The following UGT1A5 variants were observed in gnomAD, a reference collection of about 807,000 sequenced individuals.
UGT1A5 encodes UDP glucuronosyltransferase family 1 member A5, also known as UDP-glucuronosyltransferase 1A5.
Under a neutral mutation model 40.3 loss-of-function variants are expected in UGT1A5, and 29 were observed. The ratio of observed to expected loss-of-function variants is 0.72; its 90% CI spans 0.54 to 0.98. The LOEUF is 0.98. UGT1A5 is among the 50% of genes least tolerant of loss of function. UGT1A5 has a pLI of 0.00. For synonymous variants in UGT1A5, 257 were observed against 262.5 expected, an observed-to-expected ratio of 0.98 and a Z score of 0.20; for missense variants, 678 against 677.9, an observed-to-expected ratio of 1.00 and a Z score of 0.00.
Position 233,760,956 on chromosome 2 carries a change from C to T in UGT1A5, c.868-6078C>T, listed in dbSNP as rs770299996. The T allele has an allele frequency of 1.7e-5, 27 of 1,614,098 alleles. No individual in the cohort carries two copies. Among genetic ancestry groups the T allele is most frequent in the African/African-American group, 2.7e-5 (2 of 74,934 alleles). ...TTGCCTTTTCACAGAACTTTCTGTG[C>T]GACGTGGTTTATTCCCCGTATGCAA... On this transcript the variant is annotated intron_variant, in intron 1 of 4. Coordinates refer to ENST00000373414, the MANE Select transcript of UGT1A5 (RefSeq NM_019078.2).
At position 233,747,396 on chromosome 2, in the gene UGT1A5, A is replaced by G. The variant is rs537889953; in HGVS notation, c.868-19638A>G. 2.9e-5 allele frequency: 46 copies of G among 1,606,394 alleles called. 2 individuals carry two copies. In the African/African-American group the frequency reaches 5.6e-4, roughly 20 times the overall value. On this transcript the variant is annotated intron_variant, in intron 1 of 4. Coordinates refer to ENST00000373414, the MANE Select transcript of UGT1A5 (RefSeq NM_019078.2). ...CAGAGGCCACCAGGCGGTGGTCCTCACCCCAGAGGTGAATATGCACATCAA... is the reference window on the plus strand; with the variant it reads ...CAGAGGCCACCAGGCGGTGGTCCTCGCCCCAGAGGTGAATATGCACATCAA...
chr2:233,732,755 GTT>G (rs956485327), intron 1 of UGT1A5, among the ~76,000 whole-genome samples: 5 of 120,192 alleles, frequency 4.2e-5, no homozygotes, highest in Non-Finnish European at 9.1e-5. Context: ...CACCAGCTTT[GTT>G]TTTTTTTTTT....
intron 1 of UGT1A5, chr2:233,718,125 G>A (rs1421445167): frequency 3.5e-6 from 1 of 286,392 alleles, no homozygotes; most frequent in Non-Finnish European, 7.0e-6. Context: ...ATTCCATGGT[G>A]TAGATGGAGA....
At position 233,713,670 on chromosome 2, in the gene UGT1A5, G is replaced by GT; in HGVS notation, c.682dup (p.Ser228PhefsTer10). The GT allele has an allele frequency of 6.2e-7, 1 of 1,613,956 alleles. No homozygotes were observed. The highest frequency in any genetic ancestry group is 8.5e-7 in the Non-Finnish European group (1 of 1,179,878). On this transcript the variant is annotated frameshift_variant, in exon 1 of 5. Transcript: ENST00000373414. LOFTEE classifies it high-confidence loss of function. ...GGCCCTGTCCTACCTTTGCCATGCT[G>GT]TTTCTGCTCCTTATGCAAGCCTTGC... is the stretch of plus-strand genomic sequence containing the variant.
At position 233,754,261 on chromosome 2, in the gene UGT1A5, G is replaced by T. The variant is rs28900390; in HGVS notation, c.868-12773G>T. 8.6e-3 allele frequency: 1,501 copies of T among 174,210 alleles called. 34 individuals carry two copies. The highest frequency in any genetic ancestry group is 0.033 in the African/African-American group (1,401 of 41,884). The allele number at this position is 174,210 out of a possible 1,614,324, so 10.8% of individuals were successfully genotyped here. A position where few individuals can be genotyped will look rare whatever the true frequency, so the allele number is the denominator to read the frequency against. The stretch of plus-strand genomic sequence containing the variant: ...ACACTTTCCCAACGGAAAAAGGTAA[G>T]GCTCAAAGTGCTGAGATGAACATTC... On this transcript the variant is annotated intron_variant, in intron 1 of 4. Coordinates refer to ENST00000373414, the MANE Select transcript of UGT1A5 (RefSeq NM_019078.2).
rs375883067 is a variant in UGT1A5 at position 233,767,172 on chromosome 2, A to C, written c.999+7A>C. ...GGGCAAAATCCCTCAGACAGTAAGA[A>C]GATTCTATACCATGGCCTCATATCT... On this transcript the variant is annotated splice_region_variant and intron_variant, in intron 2 of 4. Coordinates refer to ENST00000373414, the MANE Select transcript of UGT1A5 (RefSeq NM_019078.2). 4 of 1,613,980 alleles carry C rather than the reference A, an allele frequency of 2.5e-6. No individual in the cohort carries two copies. In the African/African-American group the frequency reaches 5.3e-5, roughly 22 times the overall value.
intron 1 of UGT1A5, chr2:233,729,152 T>G: frequency 1.2e-6 from 2 of 1,613,556 alleles, no homozygotes. Context: ...CAGGTTCCCC[T>G]GCCGTGGCTG....
At chr2:233,760,958 A>T (rs976503144) in intron 1 of UGT1A5, 1 of 1,614,176 alleles carries the variant, frequency 6.2e-7, no homozygotes, top group African/African-American at 1.3e-5. Flanking sequence ...TTTCTGTGCG[A>T]CGTGGTTTAT....
Position 233,769,464 on chromosome 2 carries a change from C to T in UGT1A5, c.1307+1025C>T, listed in dbSNP as rs557481865. The T allele has an allele frequency of 3.3e-5, 50 of 1,503,294 alleles. No individual in the cohort carries two copies. The highest frequency in any genetic ancestry group is 4.1e-5 in the African/African-American group (3 of 72,468). 93.1% of individuals were successfully genotyped at this position (1,503,294 alleles called of 1,614,324 possible). A position where few individuals can be genotyped will look rare whatever the true frequency, so the allele number is the denominator to read the frequency against. ...GGGTGCACACGTGTGCATTCATATG[C>T]GTGTGTGTGTGTGTGCGTGTGTTTA... On this transcript the variant is annotated intron_variant, in intron 4 of 4. Coordinates refer to ENST00000373414, the MANE Select transcript of UGT1A5 (RefSeq NM_019078.2). This position sits in a 1 kb window ranked among gnomAD's most constrained non-coding sequence, Gnocchi z 4.4.
chr2:233,759,854 G>T (rs1017536593), intron 1 of UGT1A5, among the ~76,000 whole-genome samples: 2 of 152,182 alleles, frequency 1.3e-5, no homozygotes, highest in African/African-American at 4.8e-5. Context: ...AGGTTTCCAT[G>T]GCGAAAGCGG....
At chr2:233,719,514 G>C (rs1307171724) in intron 1 of UGT1A5, 1 of 1,613,804 alleles carries the variant, frequency 6.2e-7, no homozygotes, top group Non-Finnish European at 8.5e-7. Context: ...TGCCCCTTAT[G>C]CAAGTCTTGC....
At chr2:233,743,509 G>C (rs199947040) in intron 1 of UGT1A5, 86 of 1,367,152 alleles carry the variant, frequency 6.3e-5, no homozygotes, top group East Asian at 2.3e-4. Context: ...GGGTGCAGAC[G>C]CTCTGCTTCT....
At chr2:233,744,164 C>T (rs974356538) in intron 1 of UGT1A5, 1 of 281,484 alleles carries the variant, frequency 3.6e-6, no homozygotes, top group African/African-American at 2.2e-5. Context: ...GCCCCGCCCA[C>T]TCCGGCCTCC....
intron 1 of UGT1A5, among the ~76,000 whole-genome samples, chr2:233,764,762 A>G (rs1448451732): frequency 6.6e-6 from 1 of 152,160 alleles, no homozygotes; most frequent in Admixed American, 6.5e-5. Flanking sequence ...GACCCTAGGG[A>G]GGAAGGAGTT....
chr2:233,769,852 T>G lies in UGT1A5; in HGVS notation c.1307+1413T>G. On this transcript the variant is annotated intron_variant, in intron 4 of 4. Transcript: ENST00000373414. The surrounding 1 kb of genome is among the most constrained non-coding windows in gnomAD (Gnocchi z 4.4). ...CAACCTGGGCAACAGAGTGAGACCC[T>G]GTCTCAAAAAAAAAAAAAAAAATGA... 1.1e-5 allele frequency: 5 copies of G among 461,196 alleles called. No homozygotes were observed. Among genetic ancestry groups the G allele is most frequent in the Non-Finnish European group, 1.0e-5 (3 of 289,680 alleles). 28.6% of individuals were successfully genotyped at this position (461,196 alleles called of 1,614,324 possible).
intron 1 of UGT1A5, chr2:233,718,729 G>A: frequency 6.2e-7 from 1 of 1,611,182 alleles, no homozygotes; most frequent in African/African-American, 1.3e-5. Flanking sequence ...GATTTGCTAG[G>A]TGGCTCAATG....
chr2:233,728,607 C>T (rs868048236), intron 1 of UGT1A5, among the ~76,000 whole-genome samples: 2 of 152,210 alleles, frequency 1.3e-5, no homozygotes, highest in Admixed American at 6.5e-5. Flanking sequence ...CCAGCCTCCA[C>T]GCTGTTCAGA....
At chr2:233,737,894 G>A (rs1690620451) in intron 1 of UGT1A5, among the ~76,000 whole-genome samples, 1 of 151,986 alleles carries the variant, frequency 6.6e-6, no homozygotes, top group Non-Finnish European at 1.5e-5. Context: ...GCTAATTTTC[G>A]AGTGTGGTAA....
chr2:233,760,155 C>T (rs2125979369), intron 1 of UGT1A5: 1 of 1,487,916 alleles, frequency 6.7e-7, no homozygotes, highest in Admixed American at 2.1e-5. Flanking sequence ...GAACTCCCTG[C>T]TACCTTTGTG....
Sources: allele counts gnomAD v4.1 joint callset (sites outside exome capture counted in the v4.1 genomes callset), GRCh38; gene constraint gnomAD v4.1.1; non-coding constraint Gnocchi (gnomAD v3.1); transcripts MANE v1.5; gene names NCBI Gene and HGNC (gene_info 2026-07-23, HGNC 2026-07-21).